The following VPS13A variants were observed in gnomAD, a reference collection of about 807,000 sequenced individuals.
The protein encoded by VPS13A is vacuolar protein sorting 13 homolog A.
Under a neutral mutation model 390.9 loss-of-function variants are expected in VPS13A, and 264 were observed. The ratio of observed to expected loss-of-function variants is 0.68; its 90% CI spans 0.61 to 0.75. The LOEUF is 0.75. VPS13A is among the 30% of genes least tolerant of loss of function. VPS13A has a pLI of 0.00. For synonymous variants in VPS13A, 1,231 were observed against 1,227.1 expected, an observed-to-expected ratio of 1.00 and a Z score of -0.07; for missense variants, 3,409 against 3,733.9, an observed-to-expected ratio of 0.91 and a Z score of 2.27.
intron 58 of VPS13A, 149 bp downstream of exon 58, chr9:77,359,551 C>T: frequency 1.2e-6 from 1 of 841,732 alleles, no homozygotes; most frequent in Non-Finnish European, 1.8e-6. Context: ...AATGTTGTGG[C>T]TCACGCCTGT....
chr9:77,251,949 A>G (rs1825167946), intron 21 of VPS13A, among the ~76,000 whole-genome samples: 1 of 152,160 alleles, frequency 6.6e-6, no homozygotes, highest in African/African-American at 2.4e-5. Context: ...GGTAGCTTTT[A>G]TTAGTTACTG....
At chr9:77,363,255 G>C (rs933114677) in intron 59 of VPS13A, among the ~76,000 whole-genome samples, 1 of 151,776 alleles carries the variant, frequency 6.6e-6, no homozygotes, top group African/African-American at 2.4e-5. Context: ...TCCTTTTTCA[G>C]GTTGAGGAAG....
intron 14 of VPS13A, 87 bp from the exon 15 acceptor site, chr9:77,226,379 T>A: frequency 1.3e-5 from 17 of 1,268,942 alleles, no homozygotes; most frequent in Non-Finnish European, 1.9e-5. Flanking sequence ...CTCAAGAGGA[T>A]AAGTTCTCAG....
Position 77,321,173 on chromosome 9 carries a change from AAAAG to A in VPS13A, c.5425_5428del (p.Lys1809GlnfsTer32). 1 of 1,611,940 alleles carries A rather than the reference AAAAG, an allele frequency of 6.2e-7. No individual in the cohort carries two copies. The highest frequency in any genetic ancestry group is 8.5e-7 in the Non-Finnish European group (1 of 1,178,724). On this transcript the variant is annotated frameshift_variant, in exon 43 of 72. Transcript: ENST00000360280. LOFTEE classifies it high-confidence loss of function. ...TTCTATGATTTATCATTTTAGATGAAAAAGAAAGCAAAAATGGCCATTGTTGAGT... is the reference window on the plus strand; with the variant it reads ...TTCTATGATTTATCATTTTAGATGAAAAAGCAAAAATGGCCATTGTTGAGT...
intron 31 of VPS13A, among the ~76,000 whole-genome samples, chr9:77,288,139 G>GTCTTTCACGTTTTTTTT (rs1213548706): frequency 2.0e-4 from 31 of 152,034 alleles, no homozygotes; most frequent in African/African-American, 7.0e-4. Flanking sequence ...CAGTTATGTA[G>GTCTTTCACGTTTTTTTT]TCTTTCACGT....
intron 2 of VPS13A, 63 bp from the exon 3 acceptor site, chr9:77,201,302 T>G: frequency 8.8e-7 from 1 of 1,134,184 alleles, no homozygotes; most frequent in Non-Finnish European, 1.3e-6. Flanking sequence ...TAAAGAGTAT[T>G]CATTTATGTT....
chr9:77,267,734 A>G (rs1218383586), intron 23 of VPS13A, among the ~76,000 whole-genome samples: 7 of 152,200 alleles, frequency 4.6e-5, no homozygotes, highest in Non-Finnish European at 8.8e-5. Context: ...GCCAGCAAGC[A>G]GGAATGTTTA....
At chr9:77,322,369 G>C (rs1452952194) in intron 44 of VPS13A, among the ~76,000 whole-genome samples, 1 of 151,728 alleles carries the variant, frequency 6.6e-6, no homozygotes, top group Non-Finnish European at 1.5e-5. Flanking sequence ...ACCACTTTTT[G>C]ATACTCTGGC....
At chr9:77,356,102 G>GC (rs1175607656) in intron 54 of VPS13A, among the ~76,000 whole-genome samples, 7 of 152,016 alleles carry the variant, frequency 4.6e-5, no homozygotes, top group East Asian at 3.9e-4. Context: ...ACATTATTTG[G>GC]CCCCCCACTA....
chr9:77,304,905 G>A (rs1277638715), intron 34 of VPS13A, among the ~76,000 whole-genome samples: 1 of 151,080 alleles, frequency 6.6e-6, no homozygotes, highest in Non-Finnish European at 1.5e-5. Context: ...TATTGATTAT[G>A]AGAAAACCAT....
chr9:77,395,890 C>T (rs1834101040), intron 68 of VPS13A: 1 of 152,078 alleles, frequency 6.6e-6, no homozygotes, highest in South Asian at 2.1e-4. Context: ...AGTTAAAACA[C>T]CATGACAGTT....
intron 19 of VPS13A, among the ~76,000 whole-genome samples, chr9:77,246,434 G>A (rs1824812191): frequency 6.6e-6 from 1 of 151,630 alleles, no homozygotes; most frequent in Admixed American, 6.6e-5. Context: ...AACTTTAAAG[G>A]TTATATTCAA....
chr9:77,292,501 C>G (rs1827737437), intron 31 of VPS13A, among the ~76,000 whole-genome samples: 1 of 151,976 alleles, frequency 6.6e-6, no homozygotes, highest in African/African-American at 2.4e-5. Context: ...TGGAGGGGCC[C>G]TCACTCCAGC....
intron 10 of VPS13A, among the ~76,000 whole-genome samples, chr9:77,217,127 T>C (rs186377935): frequency 6.6e-6 from 1 of 152,170 alleles, no homozygotes. Flanking sequence ...TGTTGGAGGT[T>C]TTTGGAGGGA....
intron 71 of VPS13A, among the ~76,000 whole-genome samples, chr9:77,408,084 T>G (rs933105356): frequency 6.6e-6 from 1 of 152,186 alleles, no homozygotes; most frequent in Non-Finnish European, 1.5e-5. Flanking sequence ...TTCTTGACTA[T>G]AGAATCTTGC....
At position 77,370,514 on chromosome 9, in the gene VPS13A, C is replaced by T; in HGVS notation, c.8843C>T (p.Ala2948Val). The change falls in exon 65 of 72, where the codon GCC (alanine) becomes GTC (valine). Residue 2948 changes from alanine (A) to valine (V), a missense_variant. Physicochemically the swap from Ala to Val is moderately conservative, Grantham distance 64 (BLOSUM62 0). Coordinates refer to ENST00000360280, the MANE Select transcript of VPS13A (RefSeq NM_033305.3). ...DEDYQQKRREAMNKQPAGFRE... is the reference protein window; with the variant it reads ...DEDYQQKRREVMNKQPAGFRE... Reference sequence around the variant, plus strand: ...GACTACCAACAGAAGAGAAGAGAAGCCATGAATAAGCAACCAGCTGGTTTT... The same window carrying T: ...GACTACCAACAGAAGAGAAGAGAAGTCATGAATAAGCAACCAGCTGGTTTT... 6.2e-7 allele frequency: 1 copy of T among 1,614,094 alleles called. No homozygotes were observed. The highest frequency in any genetic ancestry group is 8.5e-7 in the Non-Finnish European group (1 of 1,180,020).
At chr9:77,361,399 G>C (rs548995845) in intron 59 of VPS13A, among the ~76,000 whole-genome samples, 75 of 152,154 alleles carry the variant, frequency 4.9e-4, no homozygotes, top group African/African-American at 1.8e-3. Context: ...CATCTATGTT[G>C]TAGCATGTAT....
chr9:77,384,684 A>G (rs759147343), intron 68 of VPS13A: 2 of 1,599,008 alleles, frequency 1.3e-6, no homozygotes, highest in Non-Finnish European at 8.5e-7. Context: ...AAACCATTAA[A>G]ATTCATATGT....
At chr9:77,225,770 C>T (rs1204980828) in intron 13 of VPS13A, among the ~76,000 whole-genome samples, 156 bp from the exon 14 acceptor site, 4 of 152,016 alleles carry the variant, frequency 2.6e-5, no homozygotes, top group Admixed American at 1.3e-4. Flanking sequence ...GCATTGCTTC[C>T]CAGAATTTAA....
Sources: gnomAD v4.1 joint callset for allele counts (sites outside exome capture counted in the v4.1 genomes callset) on GRCh38, gnomAD v4.1.1 for gene constraint, MANE v1.5 for transcripts, NCBI Gene and HGNC (gene_info 2026-07-23, HGNC 2026-07-21) for gene names.